The following CCDC85A variants were observed in gnomAD, a reference collection of about 807,000 sequenced individuals.
CCDC85A encodes coiled-coil domain-containing protein 85A.
CCDC85A carries 38 observed loss-of-function variants against 50.2 expected under a neutral mutation model. The ratio of observed to expected loss-of-function variants is 0.76; its 90% confidence interval spans 0.58 to 0.99. The LOEUF (loss-of-function observed/expected upper bound fraction) is 0.99, where lower values mean the gene tolerates loss of function less well. Ranked by LOEUF, CCDC85A falls within the 50% of genes least tolerant of loss-of-function variation. The pLI is 0.00. For synonymous variants in CCDC85A, 366 were observed against 301.4 expected, an observed-to-expected ratio of 1.21 and a Z score of -2.22; for missense variants, 820 against 742.0, an observed-to-expected ratio of 1.11 and a Z score of -1.22.
At position 56,316,965 on chromosome 2, in the gene CCDC85A, A is replaced by T. The variant is rs568660280; in HGVS notation, c.1241-25914A>T. ...GTACATGGCTAGAAAAACATCCCTA[A>T]ACCAGAGTTACGATTTTTCTTCTAT... On this transcript the variant is annotated intron_variant, in intron 2 of 5. Coordinates refer to ENST00000407595, the MANE Select transcript of CCDC85A (RefSeq NM_001080433.2). Among the ~76,000 whole-genome samples, 5 of 152,254 alleles carry T rather than the reference A, an allele frequency of 3.3e-5. No individual in the cohort carries two copies. In the East Asian group the frequency reaches 9.7e-4, roughly 29 times the overall value.
chr2:56,284,989 T>G (rs1671367454), intron 2 of CCDC85A, among the ~76,000 whole-genome samples: 2 of 152,202 alleles, frequency 1.3e-5, no homozygotes, highest in African/African-American at 4.8e-5. Context: ...ATATATGGCT[T>G]TACATTTTAT....
intron 3 of CCDC85A, 149 bp downstream of exon 3, chr2:56,343,104 T>G: frequency 3.5e-6 from 2 of 567,080 alleles, no homozygotes; most frequent in Non-Finnish European, 3.1e-6. Flanking sequence ...TGTGATTATG[T>G]TCCATGATGG....
At position 56,192,898 on chromosome 2, in the gene CCDC85A, G is replaced by T; in HGVS notation, c.698G>T (p.Ser233Ile). The change falls in exon 2 of 6, where the codon AGC (serine) becomes ATC (isoleucine). Residue 233 changes from serine (S) to isoleucine (I), a missense_variant. By Grantham distance (142) the Ser-to-Ile change is moderately radical. Coordinates refer to ENST00000407595, the MANE Select transcript of CCDC85A (RefSeq NM_001080433.2). This position sits in a 1 kb window ranked among gnomAD's most constrained non-coding sequence, Gnocchi z 4.7. ...DHHKHHASSG[S>I]PEHLQKPRSE... is the part of the protein sequence containing the mutation. ...CACAAGCACCACGCGAGCAGTGGCA[G>T]CCCGGAGCACCTGCAGAAGCCCCGG... 2 of 1,611,346 alleles carry T rather than the reference G, an allele frequency of 1.2e-6. No individual in the cohort carries two copies. Among genetic ancestry groups the T allele is most frequent in the Non-Finnish European group, 8.5e-7 (1 of 1,178,136 alleles).
chr2:56,214,659 T>C (rs1677319590), intron 2 of CCDC85A, among the ~76,000 whole-genome samples: 1 of 151,970 alleles, frequency 6.6e-6, no homozygotes, highest in Non-Finnish European at 1.5e-5. Flanking sequence ...GAATTGACTT[T>C]ACTTCTTTGT....
At chr2:56,300,866 C>T (rs922427102) in intron 2 of CCDC85A, among the ~76,000 whole-genome samples, 7 of 152,080 alleles carry the variant, frequency 4.6e-5, no homozygotes, top group African/African-American at 1.4e-4. Flanking sequence ...CTTGCAAGGT[C>T]GATGAATCTT....
chr2:56,272,073 A>G (rs1670724677), intron 2 of CCDC85A, among the ~76,000 whole-genome samples: 1 of 152,186 alleles, frequency 6.6e-6, no homozygotes, highest in South Asian at 2.1e-4. Context: ...TAAAGGACAT[A>G]GTATAATGTC....
In CCDC85A at chr2:56,184,808, G is replaced by A; in HGVS notation, c.184G>A (p.Glu62Lys). ...LIRSLRRAEA[E>K]KVSAMLDHSN... Reference sequence around the variant, plus strand: ...CCGCAGCCTGCGGCGCGCCGAGGCGGAGAAGGTGAGCGCGATGCTGGACCA... The same window carrying A: ...CCGCAGCCTGCGGCGCGCCGAGGCGAAGAAGGTGAGCGCGATGCTGGACCA... Residue 62 changes from glutamate (E) to lysine (K), a missense_variant, in exon 1 of 6, where the codon GAG becomes AAG. Coordinates refer to ENST00000407595, the MANE Select transcript of CCDC85A (RefSeq NM_001080433.2). 4 of 1,546,258 alleles carry A rather than the reference G, an allele frequency of 2.6e-6. No individual in the cohort carries two copies. The highest frequency in any genetic ancestry group is 3.5e-6 in the Non-Finnish European group (4 of 1,146,088).
chr2:56,234,436 A>C (rs970275217), intron 2 of CCDC85A, among the ~76,000 whole-genome samples: 3 of 152,150 alleles, frequency 2.0e-5, no homozygotes, highest in African/African-American at 7.2e-5. Context: ...GAGCTTGCCT[A>C]GCTTTTCATT....
chr2:56,325,647 T>G (rs1673428467), intron 2 of CCDC85A, among the ~76,000 whole-genome samples: 1 of 152,104 alleles, frequency 6.6e-6, no homozygotes, highest in Non-Finnish European at 1.5e-5. Context: ...AGCAGCTCAT[T>G]TGAAAACTAA....
chr2:56,195,677 A>G (rs1292167467), intron 2 of CCDC85A, among the ~76,000 whole-genome samples: 1 of 152,154 alleles, frequency 6.6e-6, no homozygotes, highest in East Asian at 1.9e-4. Context: ...AAATCCTCAC[A>G]CAATTTGTTT....
chr2:56,256,517 A>G (rs1669991127), intron 2 of CCDC85A, among the ~76,000 whole-genome samples: 1 of 152,240 alleles, frequency 6.6e-6, no homozygotes, highest in Non-Finnish European at 1.5e-5. Flanking sequence ...TCACTAAAAT[A>G]GCTCATGCAT....
At chr2:56,219,334 C>CT (rs1478920874) in intron 2 of CCDC85A, among the ~76,000 whole-genome samples, 2 of 150,676 alleles carry the variant, frequency 1.3e-5, no homozygotes, top group Non-Finnish European at 3.0e-5. Context: ...TAAATGCCAA[C>CT]TTAGAGGACG....
In CCDC85A at chr2:56,184,811, A is replaced by G; in HGVS notation, c.187A>G (p.Lys63Glu). Residue 63 changes from lysine to glutamate, a missense_variant, in exon 1 of 6, where the codon AAG becomes GAG. Transcript: ENST00000407595. Reference protein sequence around the residue: ...IRSLRRAEAEKVSAMLDHSNL... With the variant: ...IRSLRRAEAEEVSAMLDHSNL... ...CAGCCTGCGGCGCGCCGAGGCGGAGAAGGTGAGCGCGATGCTGGACCACAG... is the reference window on the plus strand; with the variant it reads ...CAGCCTGCGGCGCGCCGAGGCGGAGGAGGTGAGCGCGATGCTGGACCACAG... 1 of 1,545,882 alleles carries G rather than the reference A, an allele frequency of 6.5e-7. No individual in the cohort carries two copies. Among genetic ancestry groups the G allele is most frequent in the Non-Finnish European group, 8.7e-7 (1 of 1,145,998 alleles).
intron 3 of CCDC85A, among the ~76,000 whole-genome samples, chr2:56,355,234 C>G (rs893031259): frequency 6.6e-6 from 1 of 152,190 alleles, no homozygotes; most frequent in African/African-American, 2.4e-5. Flanking sequence ...GGGTTCTACC[C>G]TATTCCAGGC....
intron 2 of CCDC85A, among the ~76,000 whole-genome samples, chr2:56,276,298 T>TTTGC (rs953794925): frequency 4.6e-5 from 7 of 152,176 alleles, no homozygotes; most frequent in Non-Finnish European, 8.8e-5. Flanking sequence ...GGCTTTTTAT[T>TTTGC]TTGCTTACTG....
chr2:56,192,959 C>G lies in CCDC85A; in HGVS notation c.759C>G (p.Ser253Arg). 3 of 1,612,274 alleles carry G rather than the reference C, an allele frequency of 1.9e-6. No individual in the cohort carries two copies. The highest frequency in any genetic ancestry group is 1.7e-6 in the Non-Finnish European group (2 of 1,179,438). ...GCCCGGAGCACTCCAAGCACAGGAG[C>G]GCCAGCCCCGAGCATCCACAGAAAC... is the stretch of plus-strand genomic sequence containing the variant. Reference protein sequence around the residue: ...EGSPEHSKHRSASPEHPQKPR... With the variant: ...EGSPEHSKHRRASPEHPQKPR... The change falls in exon 2 of 6, where the codon AGC (serine) becomes AGG (arginine). Residue 253 changes from serine (S) to arginine (R), a missense_variant. Coordinates refer to ENST00000407595, the MANE Select transcript of CCDC85A (RefSeq NM_001080433.2). This position sits in a 1 kb window ranked among gnomAD's most constrained non-coding sequence, Gnocchi z 4.7.
chr2:56,284,992 C>T (rs1671367562), intron 2 of CCDC85A, among the ~76,000 whole-genome samples: 1 of 152,002 alleles, frequency 6.6e-6, no homozygotes, highest in Non-Finnish European at 1.5e-5. Context: ...TATGGCTTTA[C>T]ATTTTATATT....
intron 2 of CCDC85A, among the ~76,000 whole-genome samples, chr2:56,263,112 C>T (rs539544672): frequency 1.3e-5 from 2 of 152,220 alleles, no homozygotes; most frequent in South Asian, 2.1e-4. Context: ...GTGTGTAAAA[C>T]GTGACCTTTC....
chr2:56,384,347 C>G lies in CCDC85A; in HGVS notation c.1654C>G (p.Pro552Ala). Residue 552 changes from proline to alanine, a missense_variant, in exon 6 of 6, where the codon CCA becomes GCA. Coordinates refer to ENST00000407595, the MANE Select transcript of CCDC85A (RefSeq NM_001080433.2). ...QHLSGNQYKGPM is the reference protein window; with the variant it reads ...QHLSGNQYKGAM ...TTTGTCAGGAAACCAGTACAAAGGACCAATGTGAGATGCACTCTTTTTCAA... is the reference window on the plus strand; with the variant it reads ...TTTGTCAGGAAACCAGTACAAAGGAGCAATGTGAGATGCACTCTTTTTCAA... 6.2e-7 allele frequency: 1 copy of G among 1,610,506 alleles called. No homozygotes were observed. The highest frequency in any genetic ancestry group is 1.1e-5 in the South Asian group (1 of 90,978).
Sources: allele counts gnomAD v4.1 joint callset (sites outside exome capture counted in the v4.1 genomes callset), GRCh38; gene constraint gnomAD v4.1.1; non-coding constraint Gnocchi (gnomAD v3.1); transcripts MANE v1.5; gene names NCBI Gene and HGNC (gene_info 2026-07-23, HGNC 2026-07-21).